ZNF106: variants seen among roughly 807,000 people sequenced by gnomAD.
ZNF106 encodes the protein zinc finger protein 106.
A neutral mutation model predicts 195.1 loss-of-function variants in ZNF106; 67 were observed. That is an observed-to-expected ratio of 0.34 (90% confidence interval 0.28 to 0.42). ZNF106 has a LOEUF of 0.42. Among genes scored for constraint, ZNF106 ranks in the 10% least tolerant of loss-of-function variants. The pLI, the probability that ZNF106 is intolerant of heterozygous loss-of-function variation, is 1.00. For missense variants in ZNF106, 2,118 were observed against 2,304.5 expected, an observed-to-expected ratio of 0.92 and a Z score of 1.66; for synonymous variants, 784 against 818.6, an observed-to-expected ratio of 0.96 and a Z score of 0.72.
chr15:42,422,754 G>A lies in ZNF106; in HGVS notation c.5254-134C>T, dbSNP rs925872874. 14 of 870,808 alleles carry A rather than the reference G, an allele frequency of 1.6e-5. No individual in the cohort carries two copies. The African/African-American group carries it at 1.9e-4, about 12-fold the overall frequency. 53.9% of individuals were successfully genotyped at this position (870,808 alleles called of 1,614,324 possible). A position where few individuals can be genotyped will look rare whatever the true frequency, so the allele number is the denominator to read the frequency against. On this transcript the variant is annotated intron_variant, in intron 17 of 21. Transcript: ENST00000564754. ...ATTAATACAATTAATTGTATTAACT[G>A]TACAAATACAGTTAATACAACTGTA...
chr15:42,445,640 G>T (rs562306469), intron 7 of ZNF106, among the ~76,000 whole-genome samples: 52 of 152,286 alleles, frequency 3.4e-4, no homozygotes, highest in African/African-American at 1.2e-3. Context: ...TTAAGTCAAA[G>T]AATCCCTGAG....
At chr15:42,483,163 C>A (rs1433580797) in intron 1 of ZNF106, among the ~76,000 whole-genome samples, 2 of 149,398 alleles carry the variant, frequency 1.3e-5, no homozygotes, top group Non-Finnish European at 3.0e-5. Context: ...CCGCTAGAAT[C>A]TGCCTGGTTT....
At chr15:42,462,709 G>A (rs76129310) in intron 3 of ZNF106, among the ~76,000 whole-genome samples, 6 of 152,214 alleles carry the variant, frequency 3.9e-5, no homozygotes, top group Non-Finnish European at 8.8e-5. Flanking sequence ...GAGGGGAAAG[G>A]GGGGTGGAGA....
intron 20 of ZNF106, among the ~76,000 whole-genome samples, chr15:42,418,998 G>A (rs1192499686): frequency 6.6e-6 from 1 of 151,176 alleles, no homozygotes; most frequent in Admixed American, 6.6e-5. Flanking sequence ...GGCCGAGGTG[G>A]GTGGTTCACT....
At chr15:42,428,160 C>T (rs1375751196) in intron 14 of ZNF106, 26 bp from the exon 15 acceptor site, 1 of 1,596,744 alleles carries the variant, frequency 6.3e-7, no homozygotes, top group Admixed American at 1.7e-5. Context: ...AACCTTTAAT[C>T]AGCAGAGGGT....
chr15:42,427,697 C>T (rs1271238715), intron 15 of ZNF106: 2 of 202,586 alleles, frequency 9.9e-6, no homozygotes, highest in Non-Finnish European at 1.0e-5. Flanking sequence ...AAAGTGAGCA[C>T]TTAAGTTCAT....
rs369332438 is a variant in ZNF106, at chr15:42,484,673, G to T, written c.-33+6307C>A. On this transcript the variant is annotated intron_variant, in intron 1 of 21. Coordinates refer to ENST00000564754, the MANE Select transcript of ZNF106 (RefSeq NM_001366845.3). The stretch of plus-strand genomic sequence containing the variant: ...GAATTGCTTGAACCTGGGAGGCAGA[G>T]GTTGCAGTGAGCCAAGATCATGCCA... Among the ~76,000 whole-genome samples, 10 of 152,346 alleles carry T rather than the reference G, an allele frequency of 6.6e-5. No homozygotes were observed. In the East Asian group the frequency reaches 1.9e-3, roughly 29 times the overall value.
chr15:42,485,120 G>C (rs1426047215), intron 1 of ZNF106, among the ~76,000 whole-genome samples: 1 of 152,160 alleles, frequency 6.6e-6, no homozygotes, highest in African/African-American at 2.4e-5. Flanking sequence ...CTGCACTCCA[G>C]CCTGGGGGGT....
rs556627583 is a variant in ZNF106 at position 42,439,779 on chromosome 15, G to A, written c.3798C>T (p.Val1266=). Residue 1266 remains valine, a synonymous_variant, in exon 11 of 22, where the codon GTC becomes GTT. Coordinates refer to ENST00000564754, the MANE Select transcript of ZNF106 (RefSeq NM_001366845.3). ...EISDSCPVYP[V]ITARLSLPES... ...CTGGTAAGGACAATCTAGCAGTGAT[G>A]ACTGGATAAACTGGACAACTGTCAC... 10 of 1,584,842 alleles carry A rather than the reference G, an allele frequency of 6.3e-6. No homozygotes were observed. The highest frequency in any genetic ancestry group is 2.7e-5 in the African/African-American group (2 of 73,456).
rs1257106334 is a variant in ZNF106 at position 42,442,251 on chromosome 15, G to A, written c.3585C>T (p.Thr1195=). 1.3e-5 allele frequency: 21 copies of A among 1,614,006 alleles called. No individual in the cohort carries two copies. Among genetic ancestry groups the A allele is most frequent in the African/African-American group, 2.7e-5 (2 of 74,888 alleles). ...ACGTGGTTATTTGAAGAGAGGCTCC[G>A]GTGGGTGATGGAGACACATGGGAAG... ...PPSSHVSPSP[T]GASLQITTSP... Residue 1195 remains threonine (T), a synonymous_variant, in exon 10 of 22, where the codon ACC becomes ACT. Coordinates refer to ENST00000564754, the MANE Select transcript of ZNF106 (RefSeq NM_001366845.3).
intron 2 of ZNF106, among the ~76,000 whole-genome samples, chr15:42,468,520 G>A (rs1212187085): frequency 6.6e-5 from 10 of 151,488 alleles, no homozygotes; most frequent in African/African-American, 1.5e-4. Flanking sequence ...TGAGGTGGGC[G>A]GATCAAAAGG....
rs1475649934 is a variant in ZNF106, at chr15:42,446,798, C to T, written c.3136-140G>A. ...CTCTAACATGATCGTAGAAGTCTCA[C>T]GCACGTGGTACCAACGCAAACTTTA... On this transcript the variant is annotated intron_variant, in intron 6 of 21. Transcript: ENST00000564754. 1.4e-5 allele frequency: 10 copies of T among 739,050 alleles called. No individual in the cohort carries two copies. The East Asian group carries it at 1.5e-4, about 11-fold the overall frequency. The allele number at this position is 739,050 out of a possible 1,614,324, so 45.8% of individuals were successfully genotyped here. A position where few individuals can be genotyped will look rare whatever the true frequency, so the allele number is the denominator to read the frequency against.
chr15:42,446,686 A>T, intron 6 of ZNF106, 28 bp from the exon 7 acceptor site: 1 of 1,561,340 alleles, frequency 6.4e-7, no homozygotes, highest in Non-Finnish European at 8.7e-7. Context: ...ACTGAATAAA[A>T]TCCAATGTGT....
At chr15:42,487,056 A>G (rs1203565019) in intron 1 of ZNF106, among the ~76,000 whole-genome samples, 1 of 152,142 alleles carries the variant, frequency 6.6e-6, no homozygotes, top group Non-Finnish European at 1.5e-5. Flanking sequence ...AGGCTGAGGC[A>G]GAAGAATCGC....
chr15:42,448,506 T>C lies in ZNF106; in HGVS notation c.2701A>G (p.Ser901Gly). 1.9e-6 allele frequency: 3 copies of C among 1,614,116 alleles called. No homozygotes were observed. In the South Asian group the frequency reaches 3.3e-5, roughly 18 times the overall value. ...TTTTCTTTGCCTGTACCTTCCTCACTGAAGAAGCTATACACAGAAGGAGCT... is the reference window on the plus strand; with the variant it reads ...TTTTCTTTGCCTGTACCTTCCTCACCGAAGAAGCTATACACAGAAGGAGCT... ...DRAPSVYSFF[S>G]EEGTGKENEP... Residue 901 changes from serine to glycine, a missense_variant, in exon 6 of 22, where the codon AGT (serine) becomes GGT (glycine). By Grantham distance (56) the Ser-to-Gly change is moderately conservative (BLOSUM62 0). Transcript: ENST00000564754.
intron 1 of ZNF106, among the ~76,000 whole-genome samples, chr15:42,489,897 G>A (rs985505680): frequency 2.0e-5 from 3 of 152,026 alleles, no homozygotes; most frequent in Non-Finnish European, 2.9e-5. Flanking sequence ...TTAGCCGGGC[G>A]TGGTGGTGGT....
In ZNF106 at chr15:42,439,824, A is replaced by G; in HGVS notation, c.3764-11T>C. 1 of 1,496,322 alleles carries G rather than the reference A, an allele frequency of 6.7e-7. No individual in the cohort carries two copies. Among genetic ancestry groups the G allele is most frequent in the Non-Finnish European group, 8.9e-7 (1 of 1,127,022 alleles). The allele number at this position is 1,496,322 out of a possible 1,614,324, so 92.7% of individuals were successfully genotyped here. ...TGTCACTGATCTCTCCTGAATTGAG[A>G]GGAAAAAAATTATTGCATCCTTTTT... On this transcript the variant is annotated splice_polypyrimidine_tract_variant and intron_variant, in intron 10 of 21. Coordinates refer to ENST00000564754, the MANE Select transcript of ZNF106 (RefSeq NM_001366845.3).
chr15:42,464,129 C>T (rs1472148134), intron 3 of ZNF106, among the ~76,000 whole-genome samples: 1 of 152,096 alleles, frequency 6.6e-6, no homozygotes, highest in African/African-American at 2.4e-5. Context: ...ATCACAAGGT[C>T]AGGAGTTCAA....
intron 1 of ZNF106, among the ~76,000 whole-genome samples, chr15:42,477,256 G>C (rs2056804360): frequency 6.6e-6 from 1 of 152,096 alleles, no homozygotes; most frequent in South Asian, 2.1e-4. Flanking sequence ...GGTAGAACTT[G>C]AGGTCAAGTC....
Sources: allele counts gnomAD v4.1 joint callset (sites outside exome capture counted in the v4.1 genomes callset), GRCh38; gene constraint gnomAD v4.1.1; transcripts MANE v1.5; gene names NCBI Gene and HGNC (gene_info 2026-07-23, HGNC 2026-07-21).